Variants in MYT1L observed in about 807,000 individuals in gnomAD.
MYT1L encodes the protein myelin transcription factor 1 like.
In MYT1L, 12 loss-of-function variants were observed where a neutral mutation model predicts 126.7. The ratio of observed to expected loss-of-function variants is 0.09; its 90% CI spans 0.06 to 0.15. The LOEUF (loss-of-function observed/expected upper bound fraction) is 0.15. MYT1L is among the 10% of genes least tolerant of loss of function. The pLI, the probability that MYT1L is intolerant of heterozygous loss-of-function variation, is 1.00. For synonymous variants in MYT1L, 541 were observed against 604.2 expected, an observed-to-expected ratio of 0.90 and a Z score of 1.53; for missense variants, 979 against 1,585.2, an observed-to-expected ratio of 0.62 and a Z score of 6.49.
At chr2:1,813,414 A>G (rs2037023924) in intron 21 of MYT1L, among the ~76,000 whole-genome samples, 1 of 152,064 alleles carries the variant, frequency 6.6e-6, no homozygotes, top group East Asian at 1.9e-4. Flanking sequence ...CCACTCCCCC[A>G]GGAGAGCTTC....
intron 3 of MYT1L, among the ~76,000 whole-genome samples, chr2:2,060,346 T>G (rs949113159): frequency 3.3e-5 from 5 of 152,224 alleles, no homozygotes; most frequent in African/African-American, 9.6e-5. Context: ...ATTATTAATA[T>G]TCATGATATA....
intron 3 of MYT1L, among the ~76,000 whole-genome samples, chr2:2,152,367 G>C (rs2085949460): frequency 6.6e-6 from 1 of 152,206 alleles, no homozygotes; most frequent in Non-Finnish European, 1.5e-5. Context: ...ATTATTTCTG[G>C]AATTTTCCAT....
At chr2:2,314,438 A>C (rs2096029590) in intron 1 of MYT1L, among the ~76,000 whole-genome samples, 1 of 152,178 alleles carries the variant, frequency 6.6e-6, no homozygotes, top group South Asian at 2.1e-4. Context: ...CTTTTTCCCC[A>C]TGTATCCAAA....
At chr2:2,167,190 C>T (rs1481873235) in intron 3 of MYT1L, among the ~76,000 whole-genome samples, 3 of 152,094 alleles carry the variant, frequency 2.0e-5, no homozygotes, top group African/African-American at 4.8e-5. Context: ...GACCCTGTGA[C>T]GTGGGAAACA....
At chr2:2,226,166 T>C (rs543159016) in intron 2 of MYT1L, among the ~76,000 whole-genome samples, 1 of 152,296 alleles carries the variant, frequency 6.6e-6, no homozygotes, top group East Asian at 1.9e-4. Flanking sequence ...CTGTTCAGGC[T>C]TGCTGCACCC....
intron 2 of MYT1L, among the ~76,000 whole-genome samples, chr2:2,197,433 G>A (rs1181367610): frequency 6.6e-6 from 1 of 152,140 alleles, no homozygotes; most frequent in African/African-American, 2.4e-5. Flanking sequence ...CCCAACCACA[G>A]ATGAGCGCAT....
At chr2:2,062,328 G>A (rs1464053731) in intron 3 of MYT1L, among the ~76,000 whole-genome samples, 2 of 152,040 alleles carry the variant, frequency 1.3e-5, no homozygotes, top group South Asian at 2.1e-4. Context: ...TCCCAATTAC[G>A]TCCTATCTTC....
At position 1,883,396 on chromosome 2, in the gene MYT1L, T is replaced by TGAAAAA. The variant is rs1441223123; in HGVS notation, c.2711+3137_2711+3142dup. Among the ~76,000 whole-genome samples, 252 of 152,020 alleles carry TGAAAAA rather than the reference T, an allele frequency of 1.7e-3. 3 individuals carry two copies. The highest frequency in any genetic ancestry group is 5.8e-3 in the African/African-American group (239 of 41,452). ...GGGAGAATATGGTTCCTTAAGAAAA[T>TGAAAAA]GAAAAAGAAAAAGAAAAGGCTGACC... On this transcript the variant is annotated intron_variant, in intron 18 of 24. Coordinates refer to ENST00000647738, the MANE Select transcript of MYT1L (RefSeq NM_001303052.2).
chr2:1,988,242 G>A (rs1189023268), intron 5 of MYT1L, among the ~76,000 whole-genome samples: 11 of 152,238 alleles, frequency 7.2e-5, no homozygotes, highest in South Asian at 2.1e-4. Context: ...CTGCACCTCC[G>A]GGGTGGAGAT....
chr2:2,046,883 C>T (rs2150054847), intron 4 of MYT1L, among the ~76,000 whole-genome samples: 1 of 152,298 alleles, frequency 6.6e-6, no homozygotes, highest in Non-Finnish European at 1.5e-5. Context: ...CTACTGTCCA[C>T]TGAGAGGGAA....
At chr2:1,854,097 CA>C (rs1391359509) in intron 18 of MYT1L, among the ~76,000 whole-genome samples, 1 of 151,616 alleles carries the variant, frequency 6.6e-6, no homozygotes, top group African/African-American at 2.4e-5. Context: ...CTTAAAAATC[CA>C]AAGAACACTG....
intron 2 of MYT1L, among the ~76,000 whole-genome samples, chr2:2,227,079 C>G (rs1402264777): frequency 6.6e-6 from 1 of 152,056 alleles, no homozygotes; most frequent in African/African-American, 2.4e-5. Flanking sequence ...CTTCTGATTT[C>G]CAGGACACCA....
At chr2:2,109,484 G>A (rs1479075041) in intron 3 of MYT1L, among the ~76,000 whole-genome samples, 1 of 152,098 alleles carries the variant, frequency 6.6e-6, no homozygotes, top group African/African-American at 2.4e-5. Flanking sequence ...CACCTGCCGG[G>A]CCTCAGAATC....
chr2:1,813,223 T>G (rs576274288), intron 21 of MYT1L, among the ~76,000 whole-genome samples: 24 of 152,184 alleles, frequency 1.6e-4, no homozygotes, highest in Admixed American at 5.9e-4. Flanking sequence ...TCCTCCTCCT[T>G]GCCGTCCTCC....
chr2:2,183,061 G>A (rs1177378118), intron 2 of MYT1L, among the ~76,000 whole-genome samples: 1 of 152,168 alleles, frequency 6.6e-6, no homozygotes, highest in South Asian at 2.1e-4. Flanking sequence ...TCAGGCTATG[G>A]ATGGTGAGTC....
At chr2:2,328,499 T>C (rs1019101257) in intron 1 of MYT1L, among the ~76,000 whole-genome samples, 2 of 152,212 alleles carry the variant, frequency 1.3e-5, no homozygotes, top group African/African-American at 4.8e-5. Flanking sequence ...ACACCACTCA[T>C]ATGTGGTCAC....
chr2:2,008,200 A>T (rs956288525), intron 4 of MYT1L, among the ~76,000 whole-genome samples: 4 of 152,242 alleles, frequency 2.6e-5, no homozygotes, highest in African/African-American at 9.6e-5. Flanking sequence ...GGCAGCAAGC[A>T]GCCTGCCTAG....
At chr2:1,996,893 T>C (rs1463043695) in intron 5 of MYT1L, among the ~76,000 whole-genome samples, 2 of 106,214 alleles carry the variant, frequency 1.9e-5, no homozygotes, top group Admixed American at 1.2e-4. Flanking sequence ...GTGGACTGCA[T>C]GGAACCGAGT....
At chr2:2,086,259 T>C (rs1304579757) in intron 3 of MYT1L, among the ~76,000 whole-genome samples, 1 of 152,234 alleles carries the variant, frequency 6.6e-6, no homozygotes, top group African/African-American at 2.4e-5. Context: ...AGATCAACAT[T>C]GTGTCAACGG....
Sources: gnomAD v4.1 joint callset for allele counts (sites outside exome capture counted in the v4.1 genomes callset) on GRCh38, gnomAD v4.1.1 for gene constraint, MANE v1.5 for transcripts, NCBI Gene and HGNC (gene_info 2026-07-23, HGNC 2026-07-21) for gene names.